The following LARP4 variants were observed in gnomAD, a reference collection of about 807,000 sequenced individuals.
The protein encoded by LARP4 is La ribonucleoprotein 4.
In LARP4, 29 loss-of-function variants were observed where a neutral mutation model predicts 92.9. The ratio of observed to expected loss-of-function variants is 0.31; its 90% confidence interval spans 0.23 to 0.43. The LOEUF (loss-of-function observed/expected upper bound fraction) is 0.43. Among genes scored for constraint, LARP4 ranks in the 20% least tolerant of loss-of-function variants. The pLI is 1.00. For missense variants in LARP4, 732 were observed against 860.0 expected, an observed-to-expected ratio of 0.85 and a Z score of 1.86; for synonymous variants, 279 against 284.1, an observed-to-expected ratio of 0.98 and a Z score of 0.18.
chr12:50,454,717 A>G lies in LARP4; in HGVS notation c.1121+300A>G, dbSNP rs1027410328. The G allele has an allele frequency of 2.4e-5, 6 of 245,342 alleles. 1 individual carries two copies. The South Asian group carries it at 4.5e-4, about 18-fold the overall frequency. The allele number at this position is 245,342 out of a possible 1,614,324, so 15.2% of individuals were successfully genotyped here. On this transcript the variant is annotated intron_variant, in intron 10 of 15. Transcript: ENST00000398473. ...ATCTGGTGACTAATTTCCATTTAGT[A>G]TGTTAAATGGGTAGCATTTTAGAGA...
At chr12:50,438,208 G>A (rs184118954) in intron 6 of LARP4, among the ~76,000 whole-genome samples, 13 of 152,270 alleles carry the variant, frequency 8.5e-5, no homozygotes, top group Non-Finnish European at 1.8e-4. Context: ...AAGGATTAAG[G>A]AGGCAGGGCT....
At chr12:50,426,728 T>G (rs1948821169) in intron 1 of LARP4, among the ~76,000 whole-genome samples, 1 of 111,278 alleles carries the variant, frequency 9.0e-6, no homozygotes, top group Admixed American at 9.1e-5. Flanking sequence ...TGTGTGTGTG[T>G]GTGGTTTTTT....
intron 1 of LARP4, among the ~76,000 whole-genome samples, chr12:50,413,927 T>C (rs116296168): frequency 0.012 from 1,857 of 152,310 alleles, 45 homozygotes; most frequent in African/African-American, 0.041. Context: ...AGTTCACCTC[T>C]ATGGTAGGAT....
chr12:50,441,559 A>C (rs769991665), intron 7 of LARP4, 31 bp from the exon 8 acceptor site: 15 of 1,494,070 alleles, frequency 1.0e-5, no homozygotes, highest in Non-Finnish European at 1.4e-5. Flanking sequence ...TTTGAATGCT[A>C]ATGAAAGTTT....
At position 50,466,952 on chromosome 12, in the gene LARP4, A is replaced by G. The variant is rs768157266; in HGVS notation, c.1384-7A>G. 1 of 1,602,018 alleles carries G rather than the reference A, an allele frequency of 6.2e-7. No individual in the cohort carries two copies. The highest frequency in any genetic ancestry group is 8.5e-7 in the Non-Finnish European group (1 of 1,171,340). On this transcript the variant is annotated splice_polypyrimidine_tract_variant and splice_region_variant and intron_variant, in intron 12 of 15. Transcript: ENST00000398473. ...ATGTGACCTGTTTTATTATTTGTTC[A>G]TTTTAGAGACCTCATCCTTCAACAG...
Position 50,463,422 on chromosome 12 carries a change from A to C in LARP4, c.1383+792A>C, listed in dbSNP as rs1442177759. On this transcript the variant is annotated intron_variant, in intron 12 of 15. Coordinates refer to ENST00000398473, the MANE Select transcript of LARP4 (RefSeq NM_052879.5). Reference sequence around the variant, plus strand: ...AAGGTGATGAAACCCCATCTCTCCAAAAAAAAAAAAAAAAAAAAAAAAAAA... The same window carrying C: ...AAGGTGATGAAACCCCATCTCTCCACAAAAAAAAAAAAAAAAAAAAAAAAA... Among the ~76,000 whole-genome samples, 184 of 26,280 alleles carry C rather than the reference A, an allele frequency of 7.0e-3. 14 individuals carry two copies. Among genetic ancestry groups the C allele is most frequent in the Non-Finnish European group, 0.037 (101 of 2,758 alleles). The allele number at this position is 26,280 out of a possible 152,430, so 17.2% of individuals were successfully genotyped here.
chr12:50,466,290 A>G (rs1261449722), intron 12 of LARP4, among the ~76,000 whole-genome samples: 1 of 152,032 alleles, frequency 6.6e-6, no homozygotes. Context: ...GAGGAGGGAT[A>G]TTGTTTTCTC....
intron 8 of LARP4, among the ~76,000 whole-genome samples, chr12:50,444,489 A>C (rs1010198392): frequency 1.3e-5 from 2 of 152,158 alleles, no homozygotes; most frequent in African/African-American, 4.8e-5. Flanking sequence ...CTTTTATACC[A>C]TTTATTAAAA....
At chr12:50,403,968 A>G (rs1944337209) in intron 1 of LARP4, among the ~76,000 whole-genome samples, 1 of 152,144 alleles carries the variant, frequency 6.6e-6, no homozygotes, top group Non-Finnish European at 1.5e-5. Flanking sequence ...TCATGCCTGT[A>G]ATCCCAGCAC....
chr12:50,418,574 C>G (rs1947232852), intron 1 of LARP4, among the ~76,000 whole-genome samples: 1 of 152,114 alleles, frequency 6.6e-6, no homozygotes, highest in African/African-American at 2.4e-5. Flanking sequence ...CATGTGCCAA[C>G]ACGCCTCGCT....
chr12:50,467,550 A>G (rs1284420567), intron 13 of LARP4, among the ~76,000 whole-genome samples: 1 of 151,910 alleles, frequency 6.6e-6, no homozygotes, highest in Non-Finnish European at 1.5e-5. Context: ...CCATCTGCCC[A>G]CCTTGGCCTC....
chr12:50,471,063 A>G (rs1956874345), intron 13 of LARP4, among the ~76,000 whole-genome samples: 1 of 152,094 alleles, frequency 6.6e-6, no homozygotes, highest in South Asian at 2.1e-4. Context: ...CTGAGGTGGG[A>G]GGATCACTTG....
chr12:50,459,246 G>A (rs770674037), intron 10 of LARP4, among the ~76,000 whole-genome samples: 6 of 152,170 alleles, frequency 3.9e-5, no homozygotes, highest in South Asian at 2.1e-4. Context: ...TGATCTGCCC[G>A]TCTCCACTTC....
At position 50,475,755 on chromosome 12, in the gene LARP4, C is replaced by T. The variant is rs763939123; in HGVS notation, c.2066C>T (p.Ala689Val). 6.2e-7 allele frequency: 1 copy of T among 1,614,068 alleles called. No individual in the cohort carries two copies. The highest frequency in any genetic ancestry group is 1.1e-5 in the South Asian group (1 of 91,080). ...GGCAATATAATCCCCAGGGGAGCAG[C>T]AGGAAAAATCAGGGAACAGAGACGC... Reference protein sequence around the residue: ...FRGNIIPRGAAGKIREQRRQF... With the variant: ...FRGNIIPRGAVGKIREQRRQF... Residue 689 changes from alanine to valine, a missense_variant, in exon 16 of 16, where the codon GCA (alanine) becomes GTA (valine). Transcript: ENST00000398473.
intron 1 of LARP4, among the ~76,000 whole-genome samples, chr12:50,414,385 C>T (rs1456904421): frequency 1.3e-5 from 2 of 152,122 alleles, no homozygotes; most frequent in Non-Finnish European, 2.9e-5. Context: ...CTTACTGCAA[C>T]CTCCTCCTCC....
intron 8 of LARP4, among the ~76,000 whole-genome samples, chr12:50,445,612 C>G (rs551507073): frequency 1.3e-5 from 2 of 152,096 alleles, no homozygotes; most frequent in South Asian, 4.2e-4. Flanking sequence ...CATTTTTCTT[C>G]AACCTATTTT....
At chr12:50,474,929 A>C (rs1957383068) in intron 15 of LARP4, among the ~76,000 whole-genome samples, 1 of 152,250 alleles carries the variant, frequency 6.6e-6, no homozygotes. Context: ...CTAGCATTTT[A>C]GTACAGCACT....
At chr12:50,454,046 T>A (rs548215911) in intron 9 of LARP4, among the ~76,000 whole-genome samples, 15 of 152,322 alleles carry the variant, frequency 9.8e-5, no homozygotes, top group African/African-American at 3.6e-4. Flanking sequence ...GCTGAGTGAA[T>A]TGAAAGAAGA....
At chr12:50,443,421 C>A (rs1406472208) in intron 8 of LARP4, among the ~76,000 whole-genome samples, 3 of 151,976 alleles carry the variant, frequency 2.0e-5, no homozygotes, top group Non-Finnish European at 4.4e-5. Context: ...CAGGTGCACA[C>A]CATCATGCCT....
Sources: gnomAD v4.1 joint callset for allele counts (sites outside exome capture counted in the v4.1 genomes callset) on GRCh38, gnomAD v4.1.1 for gene constraint, MANE v1.5 for transcripts, NCBI Gene and HGNC (gene_info 2026-07-23, HGNC 2026-07-21) for gene names.